CLNK: variants seen among roughly 807,000 people sequenced by gnomAD.
CLNK encodes the protein cytokine dependent hematopoietic cell linker.
A neutral mutation model predicts 68.6 loss-of-function variants in CLNK; 74 were observed. That is an observed-to-expected ratio of 1.08 (90% CI 0.89 to 1.31). The LOEUF (loss-of-function observed/expected upper bound fraction) is 1.31. CLNK is among the 50% of genes most tolerant of loss of function. The pLI is 0.00. For missense variants in CLNK, 553 were observed against 515.3 expected (o/e 1.07, Z -0.71); for synonymous variants, 198 against 172.2 (o/e 1.15, Z -1.17).
chr4:10,589,480 C>T (rs756875287), intron 3 of CLNK, among the ~76,000 whole-genome samples: 2 of 152,294 alleles, frequency 1.3e-5, no homozygotes, highest in South Asian at 2.1e-4. Flanking sequence ...GGATTATGCA[C>T]CCTGGGGCTC....
intron 17 of CLNK, among the ~76,000 whole-genome samples, chr4:10,503,772 CTTTTTTTTTTTTTT>C (rs869102696): frequency 1.1e-4 from 7 of 63,290 alleles, no homozygotes; most frequent in Non-Finnish European, 2.0e-4. Flanking sequence ...CATTTAGAGA[CTTTTTTTTTTTTTT>C]TTTTTTTTTT....
Position 10,654,903 on chromosome 4 carries a change from T to G in CLNK, c.11+12956A>C, listed in dbSNP as rs369397842. Among the ~76,000 whole-genome samples the G allele has an allele frequency of 3.1e-4, 47 of 151,828 alleles. 1 individual carries two copies. The highest frequency in any genetic ancestry group is 5.3e-4 in the African/African-American group (22 of 41,340). On this transcript the variant is annotated intron_variant, in intron 2 of 18. Transcript: ENST00000226951. ...GGATCACTAGGTCAGGAGATCGAGATCATCCTGGCTAACACAGGTGAAATC... is the reference window on the plus strand; with the variant it reads ...GGATCACTAGGTCAGGAGATCGAGAGCATCCTGGCTAACACAGGTGAAATC...
rs372742563 is a variant in CLNK, at chr4:10,558,413, T to C, written c.439A>G (p.Ile147Val). Residue 147 changes from isoleucine (I) to valine (V), a missense_variant, in exon 8 of 19, where the codon ATT becomes GTT. By Grantham distance (29) the Ile-to-Val change is conservative. Coordinates refer to ENST00000226951, the MANE Select transcript of CLNK (RefSeq NM_052964.4). ...TCGATTAACATGACTTTACCTTTAA[T>C]GTTTTGGCTTCTGACGTCCTTGGAA... ...PISKDVRSQNIKGDASVRKNK... is the reference protein window; with the variant it reads ...PISKDVRSQNVKGDASVRKNK... 6.2e-7 allele frequency: 1 copy of C among 1,613,854 alleles called. No homozygotes were observed. The highest frequency in any genetic ancestry group is 8.5e-7 in the Non-Finnish European group (1 of 1,179,728).
At chr4:10,654,007 G>C (rs973387343) in intron 2 of CLNK, among the ~76,000 whole-genome samples, 3 of 144,392 alleles carry the variant, frequency 2.1e-5, no homozygotes, top group Non-Finnish European at 4.6e-5. Context: ...ACCAATTCAA[G>C]ATCAGTTTGC....
chr4:10,490,874 C>T (rs1434140270), intron 18 of CLNK, among the ~76,000 whole-genome samples: 1 of 152,202 alleles, frequency 6.6e-6, no homozygotes, highest in Non-Finnish European at 1.5e-5. Context: ...AAGTGATTCT[C>T]CTGTCTCAGC....
chr4:10,656,409 G>A (rs1723991505), intron 2 of CLNK: 1 of 150,616 alleles, frequency 6.6e-6, no homozygotes, highest in Non-Finnish European at 1.5e-5. Flanking sequence ...AAAGCTTAAT[G>A]GCTAATAAAT....
At chr4:10,637,465 T>C (rs1472496078) in intron 2 of CLNK, among the ~76,000 whole-genome samples, 1 of 127,024 alleles carries the variant, frequency 7.9e-6, no homozygotes, top group African/African-American at 3.1e-5. Flanking sequence ...GGCAGGGTTG[T>C]TTCTTACTGT....
At chr4:10,673,670 G>A (rs1421341696) in intron 1 of CLNK, among the ~76,000 whole-genome samples, 1 of 152,024 alleles carries the variant, frequency 6.6e-6, no homozygotes, top group South Asian at 2.1e-4. Flanking sequence ...GCCTGTCAGG[G>A]GGTGGGGGGT....
intron 8 of CLNK, among the ~76,000 whole-genome samples, chr4:10,542,660 G>A (rs868707063): frequency 0.017 from 2,472 of 141,548 alleles, 26 homozygotes; most frequent in Middle Eastern, 0.046. Flanking sequence ...GTGTGTATGT[G>A]TGTGTGTGTG....
At chr4:10,680,848 G>A (rs1052885067) in intron 1 of CLNK, among the ~76,000 whole-genome samples, 6 of 152,168 alleles carry the variant, frequency 3.9e-5, no homozygotes, top group African/African-American at 1.4e-4. Context: ...CGACTGGATG[G>A]CGTGGTATAG....
intron 1 of CLNK, among the ~76,000 whole-genome samples, chr4:10,672,404 C>T (rs1409977919): frequency 2.0e-5 from 3 of 152,086 alleles, no homozygotes; most frequent in East Asian, 3.8e-4. Flanking sequence ...CTGTAAAATA[C>T]GGGTAATACA....
chr4:10,507,838 G>T, intron 17 of CLNK, 121 bp downstream of exon 17: 1 of 718,318 alleles, frequency 1.4e-6, no homozygotes. Flanking sequence ...ACTGAGAAAT[G>T]CAGGGTGATG....
chr4:10,575,149 A>C (rs892716321), intron 4 of CLNK, among the ~76,000 whole-genome samples: 1 of 152,048 alleles, frequency 6.6e-6, no homozygotes, highest in Non-Finnish European at 1.5e-5. Flanking sequence ...CCCGTACTGC[A>C]CTCATTGTGG....
rs185317350 is a variant in CLNK, at chr4:10,650,608, G to A, written c.11+17251C>T. On this transcript the variant is annotated intron_variant, in intron 2 of 18. Coordinates refer to ENST00000226951, the MANE Select transcript of CLNK (RefSeq NM_052964.4). ...TTTATGAGTCTGAGAGAAAACAACT[G>A]TCAATCTGAAATTATATGTCTAATA... Among the ~76,000 whole-genome samples, 22 of 152,164 alleles carry A rather than the reference G, an allele frequency of 1.4e-4. No individual in the cohort carries two copies. In the East Asian group the frequency reaches 1.7e-3, roughly 12 times the overall value.
chr4:10,513,746 A>G (rs1717708777), intron 15 of CLNK, 149 bp from the exon 16 acceptor site: 1 of 640,134 alleles, frequency 1.6e-6, no homozygotes, highest in Non-Finnish European at 2.4e-6. Context: ...CAGTGACCTT[A>G]ATTCTCTCTG....
intron 2 of CLNK, among the ~76,000 whole-genome samples, chr4:10,625,248 GCC>G (rs1722621449): frequency 6.6e-6 from 1 of 152,208 alleles, no homozygotes; most frequent in South Asian, 2.1e-4. Context: ...GGAAACATTA[GCC>G]GATATAATTG....
At chr4:10,728,846 G>A in the CLNK span, among the ~76,000 whole-genome samples, 2 of 151,840 alleles carry the variant, frequency 1.3e-5, no homozygotes, top group East Asian at 1.9e-4. Context: ...TGATCTGCCC[G>A]CCTTGGCCTC....
chr4:10,546,828 G>T (rs1041208619), intron 8 of CLNK, among the ~76,000 whole-genome samples: 2 of 152,122 alleles, frequency 1.3e-5, no homozygotes, highest in Non-Finnish European at 2.9e-5. Context: ...ATTTCTTTCA[G>T]TTGTGGAGGC....
the CLNK span, among the ~76,000 whole-genome samples, chr4:10,717,312 G>A: frequency 1.5e-4 from 23 of 152,306 alleles, no homozygotes; most frequent in Non-Finnish European, 2.4e-4. Context: ...GTAAAAAGCC[G>A]TGGCCGGGTG....
Sources: gnomAD v4.1 joint callset for allele counts (sites outside exome capture counted in the v4.1 genomes callset) on GRCh38, gnomAD v4.1.1 for gene constraint, MANE v1.5 for transcripts, NCBI Gene and HGNC (gene_info 2026-07-23, HGNC 2026-07-21) for gene names.